The following ABCC9 variants were observed in gnomAD, a reference collection of about 807,000 sequenced individuals.
ABCC9 encodes the protein ATP-binding cassette sub-family C member 9.
ABCC9 carries 95 observed loss-of-function variants against 188.3 expected under a neutral mutation model. The observed-to-expected ratio is 0.50, with a 90% confidence interval of 0.43 to 0.60. The LOEUF is 0.60. ABCC9 is among the 20% of genes least tolerant of loss of function. The pLI, the probability that ABCC9 is intolerant of heterozygous loss-of-function variation, is 0.00. For synonymous variants in ABCC9, 659 were observed against 652.7 expected (o/e 1.01, Z -0.15); for missense variants, 1,102 against 1,876.3 (o/e 0.59, Z 7.62).
At position 21,899,451 on chromosome 12, in the gene ABCC9, T is replaced by A. The variant is rs1195495903; in HGVS notation, c.1619-4136A>T. 2.0e-5 allele frequency among the ~76,000 whole-genome samples: 3 copies of A among 152,048 alleles called. No individual in the cohort carries two copies. The East Asian group carries it at 5.8e-4, about 29-fold the overall frequency. On this transcript the variant is annotated intron_variant, in intron 12 of 39. Coordinates refer to ENST00000261200, the MANE Select transcript of ABCC9 (RefSeq NM_020297.4). ...CCAGGTTCATGTCACTGGGGCTTGT[T>A]GGACAGTGGGTGCAGGACAGTGGGT...
intron 12 of ABCC9, among the ~76,000 whole-genome samples, chr12:21,905,445 A>G (rs1326603238): frequency 1.3e-5 from 2 of 151,994 alleles, no homozygotes; most frequent in Admixed American, 6.6e-5. Flanking sequence ...GATTTCTAGG[A>G]TTTGACATTT....
intron 12 of ABCC9, among the ~76,000 whole-genome samples, chr12:21,905,578 T>C (rs1948001239): frequency 6.6e-6 from 1 of 151,894 alleles, no homozygotes; most frequent in South Asian, 2.1e-4. Flanking sequence ...AAAATAATAA[T>C]AAAAGCGAGA....
intron 5 of ABCC9, among the ~76,000 whole-genome samples, chr12:21,919,881 A>T (rs975194000): frequency 2.0e-5 from 3 of 152,054 alleles, no homozygotes; most frequent in Admixed American, 6.6e-5. Context: ...AAATCTAGTG[A>T]TATCAAGCAT....
At chr12:21,938,893 A>G (rs1565504548) in intron 2 of ABCC9, among the ~76,000 whole-genome samples, 3 of 152,224 alleles carry the variant, frequency 2.0e-5, no homozygotes, top group Non-Finnish European at 4.4e-5. Context: ...AAATTTAAGA[A>G]CATTTTCAGA....
intron 25 of ABCC9, among the ~76,000 whole-genome samples, chr12:21,846,614 T>C (rs1350858023): frequency 6.6e-6 from 1 of 152,160 alleles, no homozygotes; most frequent in Non-Finnish European, 1.5e-5. Flanking sequence ...AATATGTTTA[T>C]GATGAGAAGA....
chr12:21,915,383 G>GTGTATATATAT (rs1565480903), intron 7 of ABCC9, among the ~76,000 whole-genome samples: 2 of 135,130 alleles, frequency 1.5e-5, no homozygotes, highest in Non-Finnish European at 3.1e-5. Context: ...TGTATATATA[G>GTGTATATATAT]ACATGTGTAT....
chr12:21,915,394 ATATG>A (rs1376564770), intron 7 of ABCC9, among the ~76,000 whole-genome samples: 2 of 127,642 alleles, frequency 1.6e-5, no homozygotes, highest in Admixed American at 8.2e-5. Context: ...ACATGTGTAT[ATATG>A]TATGTGTATA....
intron 12 of ABCC9, among the ~76,000 whole-genome samples, chr12:21,899,672 C>G (rs1474438486): frequency 6.6e-6 from 1 of 152,204 alleles, no homozygotes; most frequent in Admixed American, 6.5e-5. Context: ...TATCCCACGC[C>G]TGGCTCGGAG....
chr12:21,826,009 T>G (rs887466987), intron 31 of ABCC9, among the ~76,000 whole-genome samples: 12 of 152,312 alleles, frequency 7.9e-5, no homozygotes, highest in African/African-American at 2.9e-4. Flanking sequence ...ATTTCCATTA[T>G]GGCTCTGAGT....
At chr12:21,899,668 A>G (rs4762718) in intron 12 of ABCC9, among the ~76,000 whole-genome samples, 151,878 of 152,320 alleles carry the variant, frequency 1, 75,722 homozygotes, top group Middle Eastern at 1. Context: ...ATCATATCCC[A>G]CGCCTGGCTC....
intron 12 of ABCC9, among the ~76,000 whole-genome samples, chr12:21,895,623 A>G (rs945370701): frequency 1.7e-4 from 26 of 152,234 alleles, no homozygotes; most frequent in African/African-American, 5.1e-4. Flanking sequence ...AGAATTTACA[A>G]ATGTGTATTC....
intron 32 of ABCC9, among the ~76,000 whole-genome samples, 172 bp from the exon 33 acceptor site, chr12:21,817,479 C>T (rs908815858): frequency 3.0e-4 from 45 of 152,124 alleles, no homozygotes; most frequent in African/African-American, 1.0e-3. Flanking sequence ...GATATATCAG[C>T]AAAGAAGGTG....
At chr12:21,916,029 G>T in intron 6 of ABCC9, 119 bp from the exon 7 acceptor site, 1 of 941,602 alleles carries the variant, frequency 1.1e-6, no homozygotes, top group South Asian at 1.7e-5. Flanking sequence ...ATATTTTAAT[G>T]CCTCCTTCCA....
At chr12:21,929,191 A>C (rs1306772583) in intron 4 of ABCC9, among the ~76,000 whole-genome samples, 1 of 152,062 alleles carries the variant, frequency 6.6e-6, no homozygotes, top group East Asian at 1.9e-4. Flanking sequence ...TCTCCTACAA[A>C]GTGTATATAT....
intron 12 of ABCC9, among the ~76,000 whole-genome samples, chr12:21,896,090 T>C (rs1470159269): frequency 2.6e-5 from 2 of 75,932 alleles, no homozygotes; most frequent in African/African-American, 6.8e-5. Flanking sequence ...TTTTTTTTTT[T>C]TTTTTTTTAC....
chr12:21,880,065 G>C (rs1392690213), intron 16 of ABCC9, among the ~76,000 whole-genome samples: 1 of 150,012 alleles, frequency 6.7e-6, no homozygotes, highest in Non-Finnish European at 1.5e-5. Flanking sequence ...CATGGGGCTA[G>C]GCAACTAGAT....
Position 21,931,901 on chromosome 12 carries a change from T to C in ABCC9, c.284+1881A>G, listed in dbSNP as rs542595223. Reference sequence around the variant, plus strand: ...CTCTAATTTTTCTTTTTATCAGAAATTAAGACATGCACATACCTGCGAAAA... The same window carrying C: ...CTCTAATTTTTCTTTTTATCAGAAACTAAGACATGCACATACCTGCGAAAA... On this transcript the variant is annotated intron_variant, in intron 4 of 39. Transcript: ENST00000261200. Among the ~76,000 whole-genome samples, 2 of 152,216 alleles carry C rather than the reference T, an allele frequency of 1.3e-5. 1 individual carries two copies. Among genetic ancestry groups the C allele is most frequent in the African/African-American group, 4.8e-5 (2 of 41,560 alleles).
At chr12:21,827,159 G>A (rs570150229) in intron 31 of ABCC9, 327 of 985,450 alleles carry the variant, frequency 3.3e-4, no homozygotes, top group Middle Eastern at 2.6e-3. Context: ...ACAATTTTGA[G>A]TTTGGCTGCT....
At chr12:21,933,492 A>C (rs1032166095) in intron 4 of ABCC9, among the ~76,000 whole-genome samples, 23 of 152,108 alleles carry the variant, frequency 1.5e-4, no homozygotes, top group African/African-American at 5.6e-4. Flanking sequence ...TGACTCATCT[A>C]TCTTTGCTTC....
Sources: allele counts gnomAD v4.1 joint callset (sites outside exome capture counted in the v4.1 genomes callset), GRCh38; gene constraint gnomAD v4.1.1; transcripts MANE v1.5; gene names NCBI Gene and HGNC (gene_info 2026-07-23, HGNC 2026-07-21).